ADAMTS20: variants seen among roughly 807,000 people sequenced by gnomAD.
ADAMTS20 encodes the protein A disintegrin and metalloproteinase with thrombospondin motifs 20.
A neutral mutation model predicts 260.1 loss-of-function variants in ADAMTS20; 225 were observed. The observed-to-expected ratio is 0.87, with a 90% CI of 0.78 to 0.97. The LOEUF is 0.97. Ranked by LOEUF, ADAMTS20 falls within the 50% of genes least tolerant of loss-of-function variation. The pLI, the probability that ADAMTS20 is intolerant of heterozygous loss-of-function variation, is 0.00. For missense variants in ADAMTS20, 2,400 were observed against 2,337.7 expected (o/e 1.03, Z -0.55); for synonymous variants, 802 against 769.5 (o/e 1.04, Z -0.70).
intron 28 of ADAMTS20, among the ~76,000 whole-genome samples, chr12:43,406,638 GA>G (rs1489626087): frequency 1.3e-5 from 2 of 151,904 alleles, no homozygotes; most frequent in Non-Finnish European, 2.9e-5. Context: ...ATAAAACAAA[GA>G]GGCTATATCT....
chr12:43,387,992 G>A (rs1182680670), intron 29 of ADAMTS20, among the ~76,000 whole-genome samples: 2 of 152,224 alleles, frequency 1.3e-5, no homozygotes, highest in Non-Finnish European at 2.9e-5. Context: ...TGCTGAGCTA[G>A]ACCATGTGGC....
chr12:43,411,917 A>G (rs1941039744), intron 28 of ADAMTS20, among the ~76,000 whole-genome samples: 2 of 152,162 alleles, frequency 1.3e-5, no homozygotes, highest in South Asian at 4.1e-4. Flanking sequence ...ATAAAATACA[A>G]AGAAATCTCT....
At position 43,443,876 on chromosome 12, in the gene ADAMTS20, A is replaced by T; in HGVS notation, c.2205T>A (p.Asn735Lys). 1.2e-6 allele frequency: 2 copies of T among 1,612,756 alleles called. No individual in the cohort carries two copies. The highest frequency in any genetic ancestry group is 1.7e-6 in the Non-Finnish European group (2 of 1,178,964). The change falls in exon 16 of 39, where the codon AAT becomes AAA. Residue 735 changes from asparagine to lysine, a missense_variant. By Grantham distance (94) the Asn-to-Lys change is moderately conservative. Coordinates refer to ENST00000389420, the MANE Select transcript of ADAMTS20 (RefSeq NM_025003.5). ...CTCCTGCGGGAATCTTTACAACAAC[A>T]TTATAACCTGCAATATAATTTTACA... The part of the protein sequence containing the change: ...GVFNSSHYGY[N>K]VVVKIPAGAT...
chr12:43,363,478 A>G (rs1363548078), intron 37 of ADAMTS20, among the ~76,000 whole-genome samples: 1 of 152,114 alleles, frequency 6.6e-6, no homozygotes, highest in Non-Finnish European at 1.5e-5. Flanking sequence ...AAAAGCCAAG[A>G]AGACCAGGGA....
chr12:43,504,467 A>T (rs1370988487), intron 3 of ADAMTS20, among the ~76,000 whole-genome samples: 1 of 152,128 alleles, frequency 6.6e-6, no homozygotes, highest in Non-Finnish European at 1.5e-5. Context: ...AAAATTCTGG[A>T]AATTTGACAA....
At chr12:43,406,382 CATATT>C (rs975488143) in intron 28 of ADAMTS20, among the ~76,000 whole-genome samples, 1 of 152,014 alleles carries the variant, frequency 6.6e-6, no homozygotes, top group African/African-American at 2.4e-5. Context: ...TAATAAAAAA[CATATT>C]ATAGCTATTT....
intron 2 of ADAMTS20, among the ~76,000 whole-genome samples, chr12:43,546,803 T>C (rs1431689561): frequency 6.6e-6 from 1 of 152,182 alleles, no homozygotes; most frequent in African/African-American, 2.4e-5. Flanking sequence ...TTTATAGATC[T>C]TGGAAATGTA....
chr12:43,461,544 C>T (rs1345790318), intron 11 of ADAMTS20, among the ~76,000 whole-genome samples: 1 of 152,018 alleles, frequency 6.6e-6, no homozygotes, highest in East Asian at 1.9e-4. Flanking sequence ...GCAATCAATC[C>T]TGAAGGTTCA....
At chr12:43,377,612 G>C in intron 31 of ADAMTS20, 50 bp from the exon 32 acceptor site, 2 of 1,476,210 alleles carry the variant, frequency 1.4e-6, no homozygotes, top group Non-Finnish European at 1.8e-6. Flanking sequence ...CTTTAGCCAG[G>C]GCCTAATATT....
At chr12:43,423,922 C>A (rs573581584) in intron 28 of ADAMTS20, 2 of 715,320 alleles carry the variant, frequency 2.8e-6, no homozygotes, top group Non-Finnish European at 5.1e-6. Context: ...CTTTAAGATC[C>A]TCCTATAAAG....
At chr12:43,442,244 T>A (rs548890377) in intron 16 of ADAMTS20, among the ~76,000 whole-genome samples, 1 of 152,046 alleles carries the variant, frequency 6.6e-6, no homozygotes, top group Non-Finnish European at 1.5e-5. Flanking sequence ...ATTGATACTT[T>A]ATTGGTGAAC....
At chr12:43,372,194 A>G (rs1377043791) in intron 36 of ADAMTS20, among the ~76,000 whole-genome samples, 1 of 152,200 alleles carries the variant, frequency 6.6e-6, no homozygotes, top group Non-Finnish European at 1.5e-5. Context: ...GAGATTCCCA[A>G]ATAACAACTG....
chr12:43,384,360 C>T (rs2137228294), intron 29 of ADAMTS20, among the ~76,000 whole-genome samples: 1 of 152,224 alleles, frequency 6.6e-6, no homozygotes, highest in South Asian at 2.1e-4. Context: ...TCATTATCTC[C>T]CTCAAAGAAA....
intron 37 of ADAMTS20, among the ~76,000 whole-genome samples, chr12:43,358,724 C>G (rs1301921503): frequency 6.7e-6 from 1 of 150,220 alleles, no homozygotes; most frequent in African/African-American, 2.5e-5. Flanking sequence ...GTAGTCCCAG[C>G]TACACGGGAG....
In ADAMTS20 at chr12:43,446,566, C is replaced by A. The variant is rs145326046; in HGVS notation, c.2197+29G>T. On this transcript the variant is annotated intron_variant, in intron 15 of 38. Transcript: ENST00000389420. ...ACTCCATTATTATACTAAATAAAAG[C>A]GAAATCTAGAAACAAATACACAACT... 3.8e-6 allele frequency: 6 copies of A among 1,567,196 alleles called. No individual in the cohort carries two copies. In the Admixed American group the frequency reaches 1.0e-4, roughly 27 times the overall value.
intron 36 of ADAMTS20, among the ~76,000 whole-genome samples, chr12:43,371,798 G>A (rs1451640523): frequency 6.6e-6 from 1 of 152,190 alleles, no homozygotes; most frequent in Non-Finnish European, 1.5e-5. Flanking sequence ...AAAGGTCATG[G>A]TGACTCTTGT....
intron 28 of ADAMTS20, chr12:43,423,778 T>C: frequency 1.4e-6 from 1 of 702,748 alleles, no homozygotes; most frequent in Non-Finnish European, 2.6e-6. Flanking sequence ...CAATTGTCTC[T>C]GGATCACAGT....
In ADAMTS20 at chr12:43,376,758, G is replaced by T. The variant is rs184378918; in HGVS notation, c.4996-105C>A. ...CAGGTATTTCTGGAGCACACTGAGG[G>T]TCAGTAGTGGCTAGATACACAGAAG... On this transcript the variant is annotated intron_variant, in intron 32 of 38. Coordinates refer to ENST00000389420, the MANE Select transcript of ADAMTS20 (RefSeq NM_025003.5). 281 of 1,325,060 alleles carry T rather than the reference G, an allele frequency of 2.1e-4. No homozygotes were observed. In the African/African-American group the frequency reaches 3.0e-3, roughly 14 times the overall value. The allele number at this position is 1,325,060 out of a possible 1,614,324, so 82.1% of individuals were successfully genotyped here.
chr12:43,471,130 C>T (rs1942249746), intron 7 of ADAMTS20, among the ~76,000 whole-genome samples: 1 of 152,108 alleles, frequency 6.6e-6, no homozygotes, highest in South Asian at 2.1e-4. Context: ...TGGGTGCACG[C>T]ACCGTGCGAG....
Sources: allele counts gnomAD v4.1 joint callset (sites outside exome capture counted in the v4.1 genomes callset), GRCh38; gene constraint gnomAD v4.1.1; transcripts MANE v1.5; gene names NCBI Gene and HGNC (gene_info 2026-07-23, HGNC 2026-07-21).